Variants in GRAMD1B observed in about 807,000 individuals in gnomAD.
GRAMD1B encodes protein Aster-B.
GRAMD1B carries 37 observed loss-of-function variants against 99.7 expected under a neutral mutation model. The ratio of observed to expected loss-of-function variants is 0.37; its 90% CI spans 0.29 to 0.49. The LOEUF is 0.49. GRAMD1B is among the 20% of genes least tolerant of loss of function. The probability of loss-of-function intolerance (pLI) is 0.98; values close to 1 mark genes in which losing one functional copy is unlikely to be tolerated. For synonymous variants in GRAMD1B, 427 were observed against 387.6 expected (o/e 1.10, Z -1.19); for missense variants, 888 against 1,009.2 (o/e 0.88, Z 1.63).
intron 7 of GRAMD1B, chr11:123,598,428 T>C: frequency 1.1e-6 from 1 of 949,944 alleles, no homozygotes; most frequent in South Asian, 1.3e-5. Flanking sequence ...TACATTTTCA[T>C]GAGTGAGATG....
chr11:123,565,202 CTTTTT>C (rs59084399), intron 2 of GRAMD1B, among the ~76,000 whole-genome samples: 2 of 126,242 alleles, frequency 1.6e-5, no homozygotes, highest in Admixed American at 8.1e-5. Flanking sequence ...CTGGCTAATT[CTTTTT>C]TTTTTTTTTT....
chr11:123,451,836 A>ATT (rs1446775353), intron 1 of GRAMD1B, among the ~76,000 whole-genome samples: 1 of 118,560 alleles, frequency 8.4e-6, no homozygotes, highest in Non-Finnish European at 1.7e-5. Context: ...TTGACAGCAG[A>ATT]TTATATATAT....
At chr11:123,372,423 T>C (rs1946559251) in intron 1 of GRAMD1B, among the ~76,000 whole-genome samples, 2 of 152,186 alleles carry the variant, frequency 1.3e-5, no homozygotes, top group Non-Finnish European at 2.9e-5. Flanking sequence ...TTCAGAAAAC[T>C]GTCTGGGAGT....
In GRAMD1B at chr11:123,364,097, T is replaced by C. The variant is rs1012498019; in HGVS notation, c.-176+5298T>C. 2.6e-5 allele frequency among the ~76,000 whole-genome samples: 4 copies of C among 152,194 alleles called. No individual in the cohort carries two copies. In the South Asian group the frequency reaches 6.2e-4, roughly 24 times the overall value. ...AGGGTATTTATGGGCTCTTTTTCCTTATATATTGAAGGGTTATATAATTCC... is the reference window on the plus strand; with the variant it reads ...AGGGTATTTATGGGCTCTTTTTCCTCATATATTGAAGGGTTATATAATTCC... On this transcript the variant is annotated intron_variant, in intron 1 of 20. Coordinates refer to the GRAMD1B transcript ENST00000638157.
chr11:123,621,004 G>A (rs1431137634), intron 19 of GRAMD1B, among the ~76,000 whole-genome samples: 2 of 152,156 alleles, frequency 1.3e-5, no homozygotes, highest in Non-Finnish European at 2.9e-5. Context: ...TCAGAATGGG[G>A]CCCTTTAACT....
chr11:123,583,203 C>A (rs374469174), intron 3 of GRAMD1B, among the ~76,000 whole-genome samples: 1 of 147,936 alleles, frequency 6.8e-6, no homozygotes, highest in Non-Finnish European at 1.5e-5. Flanking sequence ...TGTGTGTGTA[C>A]GTGTATTCGT....
intron 1 of GRAMD1B, among the ~76,000 whole-genome samples, chr11:123,400,335 G>A (rs1947615761): frequency 6.6e-6 from 1 of 152,106 alleles, no homozygotes. Context: ...AAATTAGTCA[G>A]GCATGGTGGC....
chr11:123,369,462 A>C (rs115159741), intron 1 of GRAMD1B, among the ~76,000 whole-genome samples: 3,836 of 152,270 alleles, frequency 0.025, 160 homozygotes, highest in African/African-American at 0.088. Context: ...TAAACAAAGG[A>C]AATGGAGGGA....
In GRAMD1B at chr11:123,377,853, T is replaced by C. The variant is rs144637837; in HGVS notation, c.-176+19054T>C. ...CAAAAGATCTCAAACTCAAATGAAA[T>C]GGATCGCCTTCCACCACCATGCGCT... On this transcript the variant is annotated intron_variant, in intron 1 of 20. Transcript: ENST00000638157. Among the ~76,000 whole-genome samples, 227 of 152,318 alleles carry C rather than the reference T, an allele frequency of 1.5e-3. 2 individuals carry two copies. The highest frequency in any genetic ancestry group is 2.8e-3 in the Non-Finnish European group (193 of 68,024).
At chr11:123,588,792 G>A (rs1950323761) in intron 4 of GRAMD1B, among the ~76,000 whole-genome samples, 2 of 152,154 alleles carry the variant, frequency 1.3e-5, no homozygotes, top group South Asian at 4.1e-4. Flanking sequence ...AGGTAGATAA[G>A]GAATGCATTC....
intron 1 of GRAMD1B, among the ~76,000 whole-genome samples, chr11:123,479,118 A>G (rs894618494): frequency 2.0e-5 from 3 of 152,246 alleles, no homozygotes; most frequent in Non-Finnish European, 4.4e-5. Flanking sequence ...AACGTGCTGC[A>G]TGGAAGGGAA....
rs1949227716 is a variant in GRAMD1B, at chr11:123,580,442, C to A, written c.663+2865C>A. On this transcript the variant is annotated intron_variant, in intron 3 of 19. Transcript: ENST00000635736. Reference sequence around the variant, plus strand: ...AGCTGGTCCACCTCACTCCCTGTCTCCTGGCCACCCCTAGAGGACACCATG... The same window carrying A: ...AGCTGGTCCACCTCACTCCCTGTCTACTGGCCACCCCTAGAGGACACCATG... Among the ~76,000 whole-genome samples the A allele has an allele frequency of 2.0e-5, 3 of 152,332 alleles. No individual in the cohort carries two copies. The South Asian group carries it at 6.2e-4, about 32-fold the overall frequency.
At chr11:123,618,046 T>C (rs564081958) in intron 17 of GRAMD1B, among the ~76,000 whole-genome samples, 59 of 152,314 alleles carry the variant, frequency 3.9e-4, no homozygotes, top group African/African-American at 1.4e-3. Flanking sequence ...TTGGCAGAGC[T>C]AGGGACCCAC....
At chr11:123,565,805 G>A (rs556468554) in intron 2 of GRAMD1B, among the ~76,000 whole-genome samples, 1 of 152,318 alleles carries the variant, frequency 6.6e-6, no homozygotes, top group Non-Finnish European at 1.5e-5. Flanking sequence ...CCCAGCCTGT[G>A]AACCCAGCAG....
intron 2 of GRAMD1B, among the ~76,000 whole-genome samples, chr11:123,513,608 T>C (rs1237720120): frequency 6.6e-5 from 8 of 120,506 alleles, no homozygotes; most frequent in African/African-American, 2.7e-4. Flanking sequence ...CTTCCTTCCT[T>C]CCTTCCTTCC....
At chr11:123,428,527 C>T (rs573765773), upstream of GRAMD1B, among the ~76,000 whole-genome samples, 20 of 152,332 alleles carry the variant, frequency 1.3e-4, no homozygotes, top group South Asian at 4.1e-3. Flanking sequence ...CGCAGTATCT[C>T]TCTCCCTGAG....
At position 123,437,015 on chromosome 11, in the gene GRAMD1B, G is replaced by C. The variant is rs571738750; in HGVS notation, c.374+5849G>C. ...GAGAACATGCGGTGTTTGGTTTTTT[G>C]TCCTTGCGATAGTTTGCTGAGAATG... On this transcript the variant is annotated intron_variant, in intron 1 of 19. Transcript: ENST00000635736. Among the ~76,000 whole-genome samples the C allele has an allele frequency of 2.0e-5, 3 of 152,178 alleles. No homozygotes were observed. In the East Asian group the frequency reaches 5.8e-4, roughly 29 times the overall value.
At position 123,540,697 on chromosome 11, in the gene GRAMD1B, A is replaced by G. The variant is rs76421997; in HGVS notation, c.453-36670A>G. 4.1e-3 allele frequency among the ~76,000 whole-genome samples: 628 copies of G among 152,248 alleles called. 5 individuals are homozygous for G. The highest frequency in any genetic ancestry group is 0.015 in the African/African-American group (604 of 41,540). ...ACGAAATTGGTCATAATACCACCCC[A>G]TATTAGCATTTTGGTTTATATCCTT... On this transcript the variant is annotated intron_variant, in intron 2 of 19. Transcript: ENST00000635736.
intron 1 of GRAMD1B, among the ~76,000 whole-genome samples, chr11:123,472,897 A>G (rs1951085112): frequency 6.6e-6 from 1 of 152,216 alleles, no homozygotes; most frequent in Admixed American, 6.5e-5. Context: ...TCCTATTGGC[A>G]CAACTGCTGG....
Sources: gnomAD v4.1 joint callset for allele counts (sites outside exome capture counted in the v4.1 genomes callset) on GRCh38, gnomAD v4.1.1 for gene constraint, MANE v1.5 for transcripts, NCBI Gene and HGNC (gene_info 2026-07-23, HGNC 2026-07-21) for gene names.